The following HAGH variants were observed in gnomAD, a reference collection of about 807,000 sequenced individuals.
The protein encoded by HAGH is hydroxyacylglutathione hydrolase, also known as hydroxyacylglutathione hydrolase, mitochondrial.
Under a neutral mutation model 35.1 loss-of-function variants are expected in HAGH, and 29 were observed. The ratio of observed to expected loss-of-function variants is 0.83; its 90% CI spans 0.62 to 1.13. The LOEUF (loss-of-function observed/expected upper bound fraction) is 1.13. Among genes scored for constraint, HAGH ranks in the 50% most tolerant of loss-of-function variants. HAGH has a pLI of 0.00. For synonymous variants in HAGH, 225 were observed against 176.1 expected (o/e 1.28, Z -2.20); for missense variants, 478 against 419.6 (o/e 1.14, Z -1.22).
chr16:1,812,214 A>AC (rs1897680804), intron 7 of HAGH: 1 of 150,112 alleles, frequency 6.7e-6, no homozygotes, highest in African/African-American at 2.5e-5. Context: ...AAAAAAAAAA[A>AC]AGAATGACAG....
At position 1,809,389 on chromosome 16, in the gene HAGH, A is replaced by T; in HGVS notation, c.828-7T>A. The stretch of plus-strand genomic sequence containing the variant: ...CTGCTGCACCGTCTTCTCCCTGCGG[A>T]GGCCAGCACCGGGCTGCAGGCTGTG... On this transcript the variant is annotated splice_polypyrimidine_tract_variant and splice_region_variant and intron_variant, in intron 8 of 8. Coordinates refer to ENST00000397356, the MANE Select transcript of HAGH (RefSeq NM_005326.6). The T allele has an allele frequency of 6.2e-7, 1 of 1,605,836 alleles. No homozygotes were observed. Among genetic ancestry groups the T allele is most frequent in the Non-Finnish European group, 8.5e-7 (1 of 1,177,680 alleles).
intron 7 of HAGH, 155 bp from the exon 8 acceptor site, chr16:1,809,988 AC>A (rs1897566743): frequency 3.2e-6 from 2 of 620,202 alleles, no homozygotes; most frequent in African/African-American, 1.8e-5. Context: ...ACATGGCGAG[AC>A]CCTGTGTCTA....
At position 1,808,126 on chromosome 16, in the gene HAGH, T is replaced by C. The variant is rs1250794156; in HGVS notation, c.*1157A>G. The C allele has an allele frequency of 6.6e-6, 1 of 152,102 alleles. No homozygotes were observed. The highest frequency in any genetic ancestry group is 6.6e-5 in the Admixed American group (1 of 15,266). 9.4% of individuals were successfully genotyped at this position (152,102 alleles called of 1,614,324 possible). A position where few individuals can be genotyped will look rare whatever the true frequency, so the allele number is the denominator to read the frequency against. ...TCAACTGCATGATTAATTAATTTCT[T>C]TGAGACAGGGTCTCCCTGTTCCCCA... On this transcript the variant is annotated 3_prime_UTR_variant, in exon 9 of 9. Transcript: ENST00000397356.
chr16:1,824,905 CAAG>C (rs1898326777), intron 1 of HAGH, among the ~76,000 whole-genome samples: 3 of 152,134 alleles, frequency 2.0e-5, no homozygotes, highest in African/African-American at 7.2e-5. Context: ...AGGAGCACAA[CAAG>C]CAGAGTGTGG....
chr16:1,813,277 C>T (rs1897745785), intron 7 of HAGH, among the ~76,000 whole-genome samples: 1 of 152,216 alleles, frequency 6.6e-6, no homozygotes, highest in African/African-American at 2.4e-5. Context: ...CCCACCAGCT[C>T]CTTTCGCCTT....
In HAGH at chr16:1,809,157, G is replaced by A. The variant is rs956101948; in HGVS notation, c.*126C>T. On this transcript the variant is annotated 3_prime_UTR_variant, in exon 9 of 9. Transcript: ENST00000397356. ...CTTATAAATATGCATTAGAATGTCC[G>A]ATAACACAAGCCAAGGGCTGTAAAA... The A allele has an allele frequency of 2.4e-5, 16 of 670,938 alleles. No individual in the cohort carries two copies. The highest frequency in any genetic ancestry group is 1.3e-4 in the East Asian group (5 of 39,416). 41.6% of individuals were successfully genotyped at this position (670,938 alleles called of 1,614,324 possible). A position where few individuals can be genotyped will look rare whatever the true frequency, so the allele number is the denominator to read the frequency against.
In HAGH at chr16:1,809,176, T is replaced by C. The variant is rs1897517084; in HGVS notation, c.*107A>G. ...ATGTCCGATAACACAAGCCAAGGGC[T>C]GTAAAATTAAGGTTAAATCAAGACT... On this transcript the variant is annotated 3_prime_UTR_variant, in exon 9 of 9. Transcript: ENST00000397356. 1.2e-5 allele frequency: 9 copies of C among 730,984 alleles called. No individual in the cohort carries two copies. Among genetic ancestry groups the C allele is most frequent in the Non-Finnish European group, 1.7e-5 (7 of 420,462 alleles). The allele number at this position is 730,984 out of a possible 1,614,324, so 45.3% of individuals were successfully genotyped here. A position where few individuals can be genotyped will look rare whatever the true frequency, so the allele number is the denominator to read the frequency against.
At chr16:1,809,521 TC>T (rs1481914478) in intron 8 of HAGH, 139 bp from the exon 9 acceptor site, 2 of 713,692 alleles carry the variant, frequency 2.8e-6, no homozygotes. Context: ...CGGCAGCCAC[TC>T]CCCTTCTGAC....
upstream of HAGH, chr16:1,826,828 A>G (rs1232022649): frequency 5.0e-6 from 6 of 1,193,810 alleles, no homozygotes; most frequent in Non-Finnish European, 6.4e-6. Context: ...CCAGGACTGC[A>G]AAACACCGGC....
At chr16:1,820,827 G>A (rs947988591) in intron 3 of HAGH, among the ~76,000 whole-genome samples, 8 of 152,260 alleles carry the variant, frequency 5.3e-5, no homozygotes, top group Non-Finnish European at 5.9e-5. Context: ...TCAGGAGGGC[G>A]CGGCACCACA....
Position 1,819,218 on chromosome 16 carries a change from C to A in HAGH, c.438G>T (p.Gly146=), listed in dbSNP as rs762453274. ...KITHLSTLQV[G]SLNVKCLATP... The stretch of plus-strand genomic sequence containing the variant: ...TCGCCAGGCACTTGACGTTCAGAGA[C>A]CCCACCTTCAACAAAGCAGGCGACC... The change falls in exon 5 of 9, where the codon GGG becomes GGT. Residue 146 remains glycine (G), a synonymous_variant. Transcript: ENST00000397356. The A allele has an allele frequency of 2.5e-6, 4 of 1,605,530 alleles. No individual in the cohort carries two copies. In the East Asian group the frequency reaches 8.9e-5, roughly 36 times the overall value.
At chr16:1,826,279 A>C (rs1898412721) in intron 1 of HAGH, among the ~76,000 whole-genome samples, 1 of 150,942 alleles carries the variant, frequency 6.6e-6, no homozygotes, top group Non-Finnish European at 1.5e-5. Context: ...CCGGGCGGGC[A>C]GCTCCACCAC....
At chr16:1,815,005 C>T (rs1322238688) in intron 7 of HAGH, among the ~76,000 whole-genome samples, 5 of 151,764 alleles carry the variant, frequency 3.3e-5, no homozygotes, top group African/African-American at 4.8e-5. Context: ...ATATAAGGAA[C>T]TCTTACAAGA....
chr16:1,818,716 G>A (rs1404587391), intron 5 of HAGH: 1 of 182,308 alleles, frequency 5.5e-6, no homozygotes, highest in Admixed American at 6.0e-5. Context: ...GGCTCCACAG[G>A]TCTGCAACCA....
chr16:1,816,823 G>A (rs1042225878), intron 7 of HAGH, 70 bp downstream of exon 7: 8 of 945,952 alleles, frequency 8.5e-6, no homozygotes, highest in African/African-American at 4.8e-5. Flanking sequence ...ACCCACTCTG[G>A]CGACCCCGCT....
chr16:1,809,503 C>T (rs1463095077), intron 8 of HAGH, 121 bp from the exon 9 acceptor site: 9 of 783,104 alleles, frequency 1.1e-5, no homozygotes, highest in East Asian at 2.6e-5. Context: ...ACACGGAGGG[C>T]GGGGAGGCGG....
intron 7 of HAGH, among the ~76,000 whole-genome samples, chr16:1,811,644 C>T (rs941009353): frequency 5.3e-5 from 8 of 150,912 alleles, no homozygotes; most frequent in Non-Finnish European, 1.2e-4. Context: ...ACCCGGGAGG[C>T]GGAGGCTGCA....
At chr16:1,815,443 C>T (rs2142034395) in intron 7 of HAGH, among the ~76,000 whole-genome samples, 1 of 152,340 alleles carries the variant, frequency 6.6e-6, no homozygotes, top group South Asian at 2.1e-4. Context: ...CAAATTGTAG[C>T]ATTTCCACAC....
At chr16:1,815,641 G>T (rs754088447) in intron 7 of HAGH, among the ~76,000 whole-genome samples, 5 of 152,196 alleles carry the variant, frequency 3.3e-5, no homozygotes, top group Non-Finnish European at 7.3e-5. Flanking sequence ...TGGGGTAGTG[G>T]TAAGTTCCAC....
Sources: allele counts gnomAD v4.1 joint callset (sites outside exome capture counted in the v4.1 genomes callset), GRCh38; gene constraint gnomAD v4.1.1; transcripts MANE v1.5; gene names NCBI Gene and HGNC (gene_info 2026-07-23, HGNC 2026-07-21).